CELF2: variants seen among roughly 807,000 people sequenced by gnomAD.
CELF2 encodes CUGBP Elav-like family member 2, also known as CUG triplet repeat RNA-binding protein 2.
A neutral mutation model predicts 62.6 loss-of-function variants in CELF2; 8 were observed. The observed-to-expected ratio is 0.13, with a 90% CI of 0.07 to 0.23. The LOEUF (loss-of-function observed/expected upper bound fraction) is 0.23, where lower values mean the gene tolerates loss of function less well. Among genes scored for constraint, CELF2 ranks in the 10% least tolerant of loss-of-function variants. The pLI, the probability that CELF2 is intolerant of heterozygous loss-of-function variation, is 1.00. For synonymous variants in CELF2, 258 were observed against 250.0 expected, an observed-to-expected ratio of 1.03 and a Z score of -0.30; for missense variants, 333 against 671.0, an observed-to-expected ratio of 0.50 and a Z score of 5.56.
chr10:10,582,571 A>G, the CELF2 span, among the ~76,000 whole-genome samples: 1 of 152,162 alleles, frequency 6.6e-6, no homozygotes, highest in African/African-American at 2.4e-5. Context: ...AATTCCAGTT[A>G]ACAACCTTGT....
upstream of CELF2, chr10:10,796,867 G>T: frequency 1.0e-6 from 1 of 984,942 alleles, no homozygotes; most frequent in Non-Finnish European, 1.2e-6. Context: ...CCAGGAAGAA[G>T]CTTGAAGTCC....
intron 1 of CELF2, among the ~76,000 whole-genome samples, chr10:11,061,525 C>A (rs1466814118): frequency 6.6e-6 from 1 of 152,214 alleles, no homozygotes; most frequent in Non-Finnish European, 1.5e-5. Context: ...CAACACTGAA[C>A]AACAGGTTTT....
At chr10:10,577,675 T>C in the CELF2 span, among the ~76,000 whole-genome samples, 3,945 of 152,030 alleles carry the variant, frequency 0.026, 156 homozygotes, top group African/African-American at 0.09. Context: ...CATGTCCCTA[T>C]AAAGGACATG....
intron 1 of CELF2, among the ~76,000 whole-genome samples, chr10:10,881,217 A>C (rs538628488): frequency 1.3e-5 from 2 of 152,154 alleles, no homozygotes; most frequent in South Asian, 4.1e-4. Context: ...CATCTCACTT[A>C]TCACTGGAAT....
intron 1 of CELF2, among the ~76,000 whole-genome samples, chr10:11,028,528 T>G (rs1277856235): frequency 4.0e-5 from 6 of 151,432 alleles, no homozygotes; most frequent in African/African-American, 1.5e-4. Flanking sequence ...CAAGTGATTC[T>G]CTTGCCTCAG....
At chr10:11,022,377 T>C (rs2058473766) in intron 1 of CELF2, among the ~76,000 whole-genome samples, 2 of 152,162 alleles carry the variant, frequency 1.3e-5, no homozygotes, top group African/African-American at 2.4e-5. Flanking sequence ...ATTTGCTGGG[T>C]TGAGATAACT....
At chr10:11,253,644 C>G (rs930720248) in intron 4 of CELF2, among the ~76,000 whole-genome samples, 1 of 152,166 alleles carries the variant, frequency 6.6e-6, no homozygotes, top group East Asian at 1.9e-4. Context: ...TTAGCGCAGA[C>G]TTACAATTAG....
chr10:10,716,115 T>C, the CELF2 span, among the ~76,000 whole-genome samples: 1 of 152,238 alleles, frequency 6.6e-6, no homozygotes, highest in African/African-American at 2.4e-5. Flanking sequence ...CCTGGATATA[T>C]AGTCATCCAT....
chr10:10,952,674 C>CAA (rs370427448), intron 2 of CELF2, among the ~76,000 whole-genome samples: 7 of 102,100 alleles, frequency 6.9e-5, no homozygotes, highest in Admixed American at 2.9e-4. Flanking sequence ...TGAGATGGTC[C>CAA]AAAAAAAAAA....
chr10:10,499,268 G>A, the CELF2 span, among the ~76,000 whole-genome samples: 1 of 151,986 alleles, frequency 6.6e-6, no homozygotes, highest in East Asian at 1.9e-4. Flanking sequence ...GTTTCACCAT[G>A]TCGGCCAGGC....
chr10:10,686,926 G>C, the CELF2 span, among the ~76,000 whole-genome samples: 1 of 152,120 alleles, frequency 6.6e-6, no homozygotes, highest in Non-Finnish European at 1.5e-5. Context: ...CTCTGAGTCT[G>C]CCCTGATCCC....
upstream of CELF2, among the ~76,000 whole-genome samples, chr10:10,797,110 C>CA (rs932730009): frequency 6.6e-6 from 1 of 152,120 alleles, no homozygotes; most frequent in African/African-American, 2.4e-5. Context: ...TTTGGAGTGG[C>CA]AAAAACTTCC....
chr10:10,710,131 G>A, the CELF2 span, among the ~76,000 whole-genome samples: 1 of 152,114 alleles, frequency 6.6e-6, no homozygotes, highest in Admixed American at 6.5e-5. Flanking sequence ...CACTTTGCAA[G>A]GACTCAAACT....
chr10:11,164,696 G>A (rs2066548058), intron 1 of CELF2, among the ~76,000 whole-genome samples: 1 of 150,498 alleles, frequency 6.6e-6, no homozygotes, highest in African/African-American at 2.4e-5. Context: ...GCACAAAGCA[G>A]GCAATTCTGA....
At chr10:10,613,363 C>A in the CELF2 span, among the ~76,000 whole-genome samples, 3 of 152,148 alleles carry the variant, frequency 2.0e-5, no homozygotes, top group African/African-American at 7.2e-5. Context: ...CATTTAATAT[C>A]ATACTGGATT....
At chr10:11,052,480 T>A (rs1296234137) in intron 1 of CELF2, among the ~76,000 whole-genome samples, 1 of 152,206 alleles carries the variant, frequency 6.6e-6, no homozygotes, top group African/African-American at 2.4e-5. Flanking sequence ...TTTCCTTAGA[T>A]GATCATTGTT....
rs2062923524 is a variant in CELF2 at position 11,214,976 on chromosome 10, C to T, written c.272-2449C>T. ...TTCTCCTATTCACCTGCCATCCCAC[C>T]CTGCTTAGATACCAGCTTCAATCTG... is the stretch of plus-strand genomic sequence containing the variant. On this transcript the variant is annotated intron_variant, in intron 2 of 12. Coordinates refer to ENST00000633077, the MANE Select transcript of CELF2 (RefSeq NM_001326342.2). The surrounding 1 kb of genome is among the most constrained non-coding windows in gnomAD (Gnocchi z 4.2). Among the ~76,000 whole-genome samples the T allele has an allele frequency of 6.6e-6, 1 of 152,190 alleles. No individual in the cohort carries two copies. Among genetic ancestry groups the T allele is most frequent in the African/African-American group, 2.4e-5 (1 of 41,454 alleles).
At chr10:10,774,069 A>G in the CELF2 span, among the ~76,000 whole-genome samples, 2 of 152,228 alleles carry the variant, frequency 1.3e-5, no homozygotes, top group African/African-American at 4.8e-5. Flanking sequence ...GACTAGTCCC[A>G]AATCTGAATC....
At chr10:10,698,711 C>T in the CELF2 span, among the ~76,000 whole-genome samples, 1 of 152,180 alleles carries the variant, frequency 6.6e-6, no homozygotes, top group East Asian at 1.9e-4. Context: ...AAAGACTTCT[C>T]ATAGCGGTCA....
Sources: allele counts gnomAD v4.1 joint callset (sites outside exome capture counted in the v4.1 genomes callset), GRCh38; gene constraint gnomAD v4.1.1; non-coding constraint Gnocchi (gnomAD v3.1); transcripts MANE v1.5; gene names NCBI Gene and HGNC (gene_info 2026-07-23, HGNC 2026-07-21).